TMEM63A: variants seen among roughly 807,000 people sequenced by gnomAD.
The protein encoded by TMEM63A is transmembrane protein 63A.
Under a neutral mutation model 100.6 loss-of-function variants are expected in TMEM63A, and 76 were observed. The observed-to-expected ratio is 0.76, with a 90% CI of 0.63 to 0.91. The LOEUF (loss-of-function observed/expected upper bound fraction) is 0.91, where lower values mean the gene tolerates loss of function less well. Among genes scored for constraint, TMEM63A ranks in the 40% least tolerant of loss-of-function variants. The pLI is 0.00. For missense variants in TMEM63A, 876 were observed against 1,008.8 expected, an observed-to-expected ratio of 0.87 and a Z score of 1.78; for synonymous variants, 401 against 401.1, an observed-to-expected ratio of 1.00 and a Z score of 0.00.
Position 225,853,497 on chromosome 1 carries a change from G to A in TMEM63A, c.1797+132C>T, listed in dbSNP as rs1669455299. The A allele has an allele frequency of 1.0e-6, 1 of 964,460 alleles. No individual in the cohort carries two copies. The highest frequency in any genetic ancestry group is 1.5e-6 in the Non-Finnish European group (1 of 679,516). The allele number at this position is 964,460 out of a possible 1,614,324, so 59.7% of individuals were successfully genotyped here. A position where few individuals can be genotyped will look rare whatever the true frequency, so the allele number is the denominator to read the frequency against. On this transcript the variant is annotated intron_variant, in intron 19 of 24. Transcript: ENST00000366835. The surrounding 1 kb of genome is among the most constrained non-coding windows in gnomAD (Gnocchi z 4.0). ...CCGGGTTTGAGAAGCACTTAGCCCA[G>A]TGCCTGCACTAGTGGGTAGTCAGGT...
chr1:225,844,434 G>T, downstream of TMEM63A: 4 of 1,613,358 alleles, frequency 2.5e-6, no homozygotes, highest in Non-Finnish European at 2.5e-6. Flanking sequence ...GGACTTTCTG[G>T]CTGCCCTTTG....
At chr1:225,882,188 G>C (rs1205943527) in intron 1 of TMEM63A, 116 bp downstream of exon 1, 1 of 152,354 alleles carries the variant, frequency 6.6e-6, no homozygotes, top group Non-Finnish European at 1.5e-5. Flanking sequence ...GCTTGGGGTC[G>C]GGGGCTCTGG....
At position 225,855,783 on chromosome 1, in the gene TMEM63A, G is replaced by A; in HGVS notation, c.1634+95C>T. 2.3e-6 allele frequency: 3 copies of A among 1,296,824 alleles called. No individual in the cohort carries two copies. In the South Asian group the frequency reaches 3.9e-5, roughly 17 times the overall value. The allele number at this position is 1,296,824 out of a possible 1,614,324, so 80.3% of individuals were successfully genotyped here. A position where few individuals can be genotyped will look rare whatever the true frequency, so the allele number is the denominator to read the frequency against. The stretch of plus-strand genomic sequence containing the variant: ...GGAAGATGCCTGTTCAGAAGCATAG[G>A]CTACGACCGCCCCCACCCATCCCAC... On this transcript the variant is annotated intron_variant, in intron 18 of 24. Transcript: ENST00000366835.
At chr1:225,850,229 CTGGCTACTAGTTTTTTT>C in intron 20 of TMEM63A, 150 bp from the exon 21 acceptor site, 1 of 851,770 alleles carries the variant, frequency 1.2e-6, no homozygotes, top group Non-Finnish European at 1.8e-6. Flanking sequence ...TCCTGCACCT[CTGGCTACTAGTTTTTTT>C]TCACTTTCTC....
At chr1:225,866,424 A>C (rs1302263157) in intron 9 of TMEM63A, 150 bp downstream of exon 9, 2 of 643,372 alleles carry the variant, frequency 3.1e-6, no homozygotes, top group Non-Finnish European at 2.7e-6. Context: ...AGATGGTGCC[A>C]AGTGTGAGCA....
chr1:225,869,047 G>C (rs561620817), intron 6 of TMEM63A, among the ~76,000 whole-genome samples: 33 of 152,342 alleles, frequency 2.2e-4, no homozygotes, highest in Admixed American at 5.9e-4. Context: ...AAGAGCTCAG[G>C]GGGGCAAGGG....
Position 225,865,759 on chromosome 1 carries a change from G to T in TMEM63A, c.746+138C>A, listed in dbSNP as rs1300764755. 14 of 825,402 alleles carry T rather than the reference G, an allele frequency of 1.7e-5. No homozygotes were observed. The highest frequency in any genetic ancestry group is 1.7e-4 in the African/African-American group (10 of 59,054). 51.1% of individuals were successfully genotyped at this position (825,402 alleles called of 1,614,324 possible). ...AGCCACTCCATACACGTGTGGCAGG[G>T]CCAGGTCCTTCTCAGATCTCACCTG... On this transcript the variant is annotated intron_variant, in intron 10 of 24. Coordinates refer to ENST00000366835, the MANE Select transcript of TMEM63A (RefSeq NM_014698.3). This position sits in a 1 kb window ranked among gnomAD's most constrained non-coding sequence, Gnocchi z 4.6.
chr1:225,880,099 G>A (rs360101), intron 1 of TMEM63A, among the ~76,000 whole-genome samples: 80,515 of 151,936 alleles, frequency 0.53, 23,178 homozygotes, highest in Middle Eastern at 0.64. Flanking sequence ...GCTTCCCAGG[G>A]TGGTTTGACA....
chr1:225,880,571 C>A (rs985029129), intron 1 of TMEM63A, among the ~76,000 whole-genome samples: 2 of 152,228 alleles, frequency 1.3e-5, no homozygotes, highest in Non-Finnish European at 2.9e-5. Context: ...TATGTGAATG[C>A]CTAGCACTTA....
chr1:225,846,659 G>C lies in TMEM63A; in HGVS notation c.*280C>G. 1 of 184,802 alleles carries C rather than the reference G, an allele frequency of 5.4e-6. No homozygotes were observed. The highest frequency in any genetic ancestry group is 2.3e-5 in the African/African-American group (1 of 42,772). 11.4% of individuals were successfully genotyped at this position (184,802 alleles called of 1,614,324 possible). On this transcript the variant is annotated 3_prime_UTR_variant, in exon 25 of 25. Transcript: ENST00000366835. ...CATCTCTCTCTCCATATATTCTCCC[G>C]GACTCATCAGTTTGGGGGGCGAAAA...
Position 225,862,260 on chromosome 1 carries a change from C to T in TMEM63A, c.1043G>A (p.Gly348Glu), listed in dbSNP as rs1286669988. 6.2e-7 allele frequency: 1 copy of T among 1,614,046 alleles called. No individual in the cohort carries two copies. Among genetic ancestry groups the T allele is most frequent in the Non-Finnish European group, 8.5e-7 (1 of 1,180,034 alleles). Residue 348 changes from glycine to glutamate, a missense_variant, in exon 13 of 25, where the codon GGA becomes GAA. By Grantham distance (98) the Gly-to-Glu change is moderately conservative. This residue lies in a region of TMEM63A where 487 missense variants were observed against 581.9 expected (regional missense o/e 0.84). Transcript: ENST00000366835. This position sits in a 1 kb window ranked among gnomAD's most constrained non-coding sequence, Gnocchi z 5.1. ...EERHVQDQPL[G>E]MAFVTFQEKS... is the part of the protein sequence containing the mutation. Reference sequence around the variant, plus strand: ...CTCCTGGAAGGTGACGAAGGCCATTCCCAGGGGCTGGTCCTGGACGTGGCG... The same window carrying T: ...CTCCTGGAAGGTGACGAAGGCCATTTCCAGGGGCTGGTCCTGGACGTGGCG...
chr1:225,851,573 T>C (rs1320262839), intron 20 of TMEM63A, among the ~76,000 whole-genome samples: 1 of 152,096 alleles, frequency 6.6e-6, no homozygotes, highest in Non-Finnish European at 1.5e-5. Flanking sequence ...TTTCATCATA[T>C]TGGCCAGGTT....
In TMEM63A at chr1:225,877,544, T is replaced by C. The variant is rs370774544; in HGVS notation, c.37A>G (p.Lys13Glu). ...AGCTGCTCCCTGATGGACACTGCCTTGGACTGCCACAGCTCCAGGAACGGG... is the reference window on the plus strand; with the variant it reads ...AGCTGCTCCCTGATGGACACTGCCTCGGACTGCCACAGCTCCAGGAACGGG... Reference protein sequence around the residue: ...DSPFLELWQSKAVSIREQLGL... With the variant: ...DSPFLELWQSEAVSIREQLGL... The change falls in exon 3 of 25, where the codon AAG becomes GAG. Residue 13 changes from lysine (K) to glutamate (E), a missense_variant. Physicochemically the swap from Lys to Glu is moderately conservative, Grantham distance 56 (BLOSUM62 1). Around this residue, in one of 5 missense-constraint regions of TMEM63A, gnomAD observed 43 missense variants for 48.9 expected, o/e 0.88. Coordinates refer to ENST00000366835, the MANE Select transcript of TMEM63A (RefSeq NM_014698.3). 90 of 1,613,996 alleles carry C rather than the reference T, an allele frequency of 5.6e-5. No individual in the cohort carries two copies. Among genetic ancestry groups the C allele is most frequent in the Non-Finnish European group, 7.2e-5 (85 of 1,180,002 alleles).
intron 1 of TMEM63A, among the ~76,000 whole-genome samples, 183 bp from the exon 2 acceptor site, chr1:225,879,593 C>T (rs775313481): frequency 6.6e-6 from 1 of 152,210 alleles, no homozygotes; most frequent in Non-Finnish European, 1.5e-5. Context: ...GTTCTCCATC[C>T]ATCAGTGCTC....
At position 225,846,850 on chromosome 1, in the gene TMEM63A, C is replaced by T; in HGVS notation, c.*89G>A. 1 of 639,328 alleles carries T rather than the reference C, an allele frequency of 1.6e-6. No homozygotes were observed. Among genetic ancestry groups the T allele is most frequent in the Non-Finnish European group, 2.5e-6 (1 of 402,788 alleles). 39.6% of individuals were successfully genotyped at this position (639,328 alleles called of 1,614,324 possible). A position where few individuals can be genotyped will look rare whatever the true frequency, so the allele number is the denominator to read the frequency against. The stretch of plus-strand genomic sequence containing the variant: ...AAAAGATGGGCACCTGATAGCTCAG[C>T]TGGGCAGTCCCAACGCATTCCCACT... On this transcript the variant is annotated 3_prime_UTR_variant, in exon 25 of 25. Transcript: ENST00000366835.
At chr1:225,845,364 C>A (rs374252395), downstream of TMEM63A, 2 of 1,563,918 alleles carry the variant, frequency 1.3e-6, no homozygotes, top group South Asian at 2.3e-5. Flanking sequence ...CCTCTCCCCC[C>A]GCCTGCCACC....
chr1:225,862,673 AAGGAGGGGTCC>A lies in TMEM63A; in HGVS notation c.827+87_828-96del. On this transcript the variant is annotated intron_variant, in intron 11 of 24. Coordinates refer to ENST00000366835, the MANE Select transcript of TMEM63A (RefSeq NM_014698.3). The surrounding 1 kb of genome is among the most constrained non-coding windows in gnomAD (Gnocchi z 5.1). ...GTTCAACCATCGAACGCCAGGGGAG[AAGGAGGGGTCC>A]AGGGCCTCCCGCCTCCCTTCCTAGC... 1 of 1,603,652 alleles carries A rather than the reference AAGGAGGGGTCC, an allele frequency of 6.2e-7. No homozygotes were observed. Among genetic ancestry groups the A allele is most frequent in the Non-Finnish European group, 8.5e-7 (1 of 1,173,440 alleles).
At position 225,856,925 on chromosome 1, in the gene TMEM63A, C is replaced by T; in HGVS notation, c.1470G>A (p.Glu490=). ...PSIVYYSTLL[E]SHWTKSGENQ... ...CGGGCACTCACTTGGTCCAGTGAGA[C>T]TCCAGCAGTGTAGAGTAGTAGACAA... Residue 490 remains glutamate (E), a synonymous_variant, in exon 16 of 25, where the codon GAG becomes GAA. Coordinates refer to ENST00000366835, the MANE Select transcript of TMEM63A (RefSeq NM_014698.3). The T allele has an allele frequency of 6.2e-7, 1 of 1,610,702 alleles. No homozygotes were observed. The highest frequency in any genetic ancestry group is 1.7e-5 in the Admixed American group (1 of 58,742).
chr1:225,874,609 G>A (rs1670682738), intron 3 of TMEM63A, among the ~76,000 whole-genome samples: 1 of 152,202 alleles, frequency 6.6e-6, no homozygotes, highest in African/African-American at 2.4e-5. Flanking sequence ...CAGCGCTGAC[G>A]CCAAGCTTGC....
Sources: gnomAD v4.1 joint callset for allele counts (sites outside exome capture counted in the v4.1 genomes callset) on GRCh38, gnomAD v4.1.1 for gene constraint, gnomAD v4.1.1 regional missense constraint, Gnocchi (gnomAD v3.1) non-coding constraint, MANE v1.5 for transcripts, NCBI Gene and HGNC (gene_info 2026-07-23, HGNC 2026-07-21) for gene names.